Variants in PRKAR2A observed in about 807,000 individuals in gnomAD.
The protein encoded by PRKAR2A is cAMP-dependent protein kinase type II-alpha regulatory subunit.
PRKAR2A carries 29 observed loss-of-function variants against 51.9 expected under a neutral mutation model. The observed-to-expected ratio is 0.56, with a 90% CI of 0.42 to 0.76. The LOEUF (loss-of-function observed/expected upper bound fraction) is 0.76. Ranked by LOEUF, PRKAR2A falls within the 30% of genes least tolerant of loss-of-function variation. The pLI is 0.00. For synonymous variants in PRKAR2A, 178 were observed against 186.2 expected, an observed-to-expected ratio of 0.96 and a Z score of 0.36; for missense variants, 445 against 512.1, an observed-to-expected ratio of 0.87 and a Z score of 1.26.
intron 1 of PRKAR2A, among the ~76,000 whole-genome samples, chr3:48,845,524 T>G (rs1016388128): frequency 4.6e-5 from 7 of 152,232 alleles, no homozygotes; most frequent in African/African-American, 1.2e-4. Context: ...TCAAATGGTT[T>G]CATTGTTTTG....
intron 1 of PRKAR2A, among the ~76,000 whole-genome samples, chr3:48,814,663 C>T (rs147493856): frequency 2.6e-5 from 4 of 152,168 alleles, no homozygotes; most frequent in Admixed American, 6.5e-5. Flanking sequence ...CTGACATGCA[C>T]CAGAGTAGAA....
chr3:48,759,100 A>T (rs773943585), intron 8 of PRKAR2A, among the ~76,000 whole-genome samples: 20 of 152,218 alleles, frequency 1.3e-4, no homozygotes, highest in African/African-American at 1.9e-4. Context: ...TTTAAAATAA[A>T]ACCATGTTTT....
chr3:48,825,705 T>C (rs1235898320), intron 1 of PRKAR2A, among the ~76,000 whole-genome samples: 1 of 152,168 alleles, frequency 6.6e-6, no homozygotes, highest in Non-Finnish European at 1.5e-5. Context: ...TTACCCAAGC[T>C]GGAAAGGACC....
intron 1 of PRKAR2A, among the ~76,000 whole-genome samples, chr3:48,824,593 GAA>G: frequency 7.7e-6 from 1 of 129,674 alleles, no homozygotes; most frequent in East Asian, 2.5e-4. Context: ...AAGAAAGAAA[GAA>G]AGAAAGAAAG....
At position 48,847,798 on chromosome 3, in the gene PRKAR2A, T is replaced by C. The variant is rs920588671; in HGVS notation, c.-202A>G. On this transcript the variant is annotated 5_prime_UTR_variant, in exon 1 of 11. Transcript: ENST00000265563. This position sits in a 1 kb window ranked among gnomAD's most constrained non-coding sequence, Gnocchi z 4.4. ...ACGGCCGACCTGGCACCGCCGCCGC[T>C]GTCACTGGGCAGCCGCCGCCGCCGC... 3.0e-5 allele frequency: 14 copies of C among 473,556 alleles called. No homozygotes were observed. Among genetic ancestry groups the C allele is most frequent in the Non-Finnish European group, 4.4e-5 (13 of 297,126 alleles). The allele number at this position is 473,556 out of a possible 1,614,324, so 29.3% of individuals were successfully genotyped here.
At chr3:48,776,599 G>A (rs933427427) in intron 5 of PRKAR2A, among the ~76,000 whole-genome samples, 1 of 152,260 alleles carries the variant, frequency 6.6e-6, no homozygotes. Context: ...CCAGCACTTT[G>A]GGAGGCTGAG....
chr3:48,805,239 A>G (rs2082654579), intron 2 of PRKAR2A, among the ~76,000 whole-genome samples: 1 of 152,160 alleles, frequency 6.6e-6, no homozygotes, highest in African/African-American at 2.4e-5. Context: ...AGAAGCTTTC[A>G]GGGAGAAGGG....
chr3:48,810,753 CATTAT>C (rs1460158136), intron 1 of PRKAR2A, among the ~76,000 whole-genome samples: 2 of 151,898 alleles, frequency 1.3e-5, no homozygotes, highest in African/African-American at 2.4e-5. Flanking sequence ...ACGCCATAAT[CATTAT>C]ATTATCATAT....
rs2082050278 is a variant in PRKAR2A, at chr3:48,772,993, T to C, written c.658A>G (p.Thr220Ala). The C allele has an allele frequency of 2.5e-6, 4 of 1,613,680 alleles. No individual in the cohort carries two copies. Among genetic ancestry groups the C allele is most frequent in the Non-Finnish European group, 2.5e-6 (3 of 1,179,758 alleles). ...GAGCCTTCTGAGGTAGCAACAATGGTAGCAGCTCTCGGGGTGTTGTACATC... is the reference window on the plus strand; with the variant it reads ...GAGCCTTCTGAGGTAGCAACAATGGCAGCAGCTCTCGGGGTGTTGTACATC... ...ALMYNTPRAA[T>A]IVATSEGSLW... is the part of the protein sequence containing the mutation. Residue 220 changes from threonine (T) to alanine (A), a missense_variant, in exon 6 of 11, where the codon ACC becomes GCC. Transcript: ENST00000265563.
intron 6 of PRKAR2A, among the ~76,000 whole-genome samples, chr3:48,771,958 G>C (rs570320396): frequency 6.6e-6 from 1 of 152,176 alleles, no homozygotes; most frequent in South Asian, 2.1e-4. Flanking sequence ...TTTTGAGATG[G>C]AGTTTTGCTT....
At chr3:48,776,639 G>A (rs747580327) in intron 5 of PRKAR2A, among the ~76,000 whole-genome samples, 6 of 152,030 alleles carry the variant, frequency 3.9e-5, no homozygotes, top group Admixed American at 6.6e-5. Flanking sequence ...TCAGGAGTTC[G>A]AGACCAGCCT....
chr3:48,836,076 T>C (rs1025954603), intron 1 of PRKAR2A, among the ~76,000 whole-genome samples: 2 of 152,082 alleles, frequency 1.3e-5, no homozygotes, highest in Non-Finnish European at 2.9e-5. Context: ...GAGAAAAGAA[T>C]AGTCTCTTCA....
intron 1 of PRKAR2A, among the ~76,000 whole-genome samples, chr3:48,844,738 C>CA (rs1195093640): frequency 1.3e-5 from 2 of 149,318 alleles, no homozygotes; most frequent in African/African-American, 4.9e-5. Flanking sequence ...ATCGCAAGGA[C>CA]AAAAAACCAA....
At chr3:48,839,001 T>C (rs1027930952) in intron 1 of PRKAR2A, among the ~76,000 whole-genome samples, 3 of 151,454 alleles carry the variant, frequency 2.0e-5, no homozygotes, top group East Asian at 2.0e-4. Context: ...AAAATTGTTA[T>C]GGTTGGTCAG....
intron 1 of PRKAR2A, among the ~76,000 whole-genome samples, chr3:48,817,862 C>G (rs2082899495): frequency 6.6e-6 from 1 of 151,496 alleles, no homozygotes; most frequent in Non-Finnish European, 1.5e-5. Flanking sequence ...AATGACATAT[C>G]AATTAAAAAA....
chr3:48,797,457 C>T (rs2082514753), intron 2 of PRKAR2A, among the ~76,000 whole-genome samples: 1 of 152,184 alleles, frequency 6.6e-6, no homozygotes, highest in African/African-American at 2.4e-5. Context: ...TTCTTAGAGA[C>T]ACTCACTGCA....
chr3:48,799,426 A>G (rs1345419820), intron 2 of PRKAR2A, among the ~76,000 whole-genome samples: 1 of 152,200 alleles, frequency 6.6e-6, no homozygotes. Context: ...TCTCAAAAAT[A>G]TAATCACATT....
At chr3:48,807,743 C>T in intron 1 of PRKAR2A, 59 bp from the exon 2 acceptor site, 1 of 1,479,344 alleles carries the variant, frequency 6.8e-7, no homozygotes, top group Non-Finnish European at 9.4e-7. Context: ...CATTTTTATC[C>T]TCCCTTTTTG....
At chr3:48,811,658 G>T (rs1215959519) in intron 1 of PRKAR2A, among the ~76,000 whole-genome samples, 1 of 152,062 alleles carries the variant, frequency 6.6e-6, no homozygotes, top group Non-Finnish European at 1.5e-5. Flanking sequence ...AGGGGAGAAT[G>T]AAAAGTGATT....
Sources: allele counts gnomAD v4.1 joint callset (sites outside exome capture counted in the v4.1 genomes callset), GRCh38; gene constraint gnomAD v4.1.1; non-coding constraint Gnocchi (gnomAD v3.1); transcripts MANE v1.5; gene names NCBI Gene and HGNC (gene_info 2026-07-23, HGNC 2026-07-21).